The following RLN2 variants were observed in gnomAD, a reference collection of about 807,000 sequenced individuals.
RLN2 encodes prorelaxin H2.
A neutral mutation model predicts 7.3 loss-of-function variants in RLN2; 10 were observed. The ratio of observed to expected loss-of-function variants is 1.36; its 90% CI spans 0.84 to 2.31. RLN2 has a LOEUF of 2.31. Ranked by LOEUF, RLN2 falls within the 30% of genes most tolerant of loss-of-function variation. The pLI, the probability that RLN2 is intolerant of heterozygous loss-of-function variation, is 0.00. For missense variants in RLN2, 298 were observed against 217.6 expected, an observed-to-expected ratio of 1.37 and a Z score of -2.32; for synonymous variants, 103 against 82.3, an observed-to-expected ratio of 1.25 and a Z score of -1.36.
chr9:5,316,687 C>A, the RLN2 span, among the ~76,000 whole-genome samples: 4 of 152,058 alleles, frequency 2.6e-5, no homozygotes, highest in East Asian at 7.7e-4. Flanking sequence ...TTTATCCAGT[C>A]TATCATGGGT....
Position 5,300,012 on chromosome 9 carries a change from A to G in RLN2, c.*86T>C, listed in dbSNP as rs1234431598. On this transcript the variant is annotated 3_prime_UTR_variant, in exon 2 of 2. Coordinates refer to ENST00000381627, the MANE Select transcript of RLN2 (RefSeq NM_134441.3). ...ACAAAGATTCTTAGATATTCTAAGA[A>G]TTGATGGGACCTGATAGAAGCATCA... is the stretch of plus-strand genomic sequence containing the variant. 5.1e-6 allele frequency: 4 copies of G among 786,948 alleles called. No individual in the cohort carries two copies. The East Asian group carries it at 7.7e-5, about 15-fold the overall frequency. The allele number at this position is 786,948 out of a possible 1,614,324, so 48.7% of individuals were successfully genotyped here. A position where few individuals can be genotyped will look rare whatever the true frequency, so the allele number is the denominator to read the frequency against.
chr9:5,323,233 G>C, the RLN2 span, among the ~76,000 whole-genome samples: 77 of 151,928 alleles, frequency 5.1e-4, 1 homozygote, highest in East Asian at 0.013. Flanking sequence ...GCTTCCTGGA[G>C]TCTCATATTT....
At chr9:5,300,874 C>A (rs1400658353) in intron 1 of RLN2, among the ~76,000 whole-genome samples, 1 of 151,934 alleles carries the variant, frequency 6.6e-6, no homozygotes. Flanking sequence ...TAATAGTAAC[C>A]CTTGAAAAAG....
the RLN2 span, among the ~76,000 whole-genome samples, chr9:5,332,943 C>G: frequency 6.6e-6 from 1 of 152,074 alleles, no homozygotes; most frequent in South Asian, 2.1e-4. Context: ...ATGTTGTACA[C>G]TTTCAAGTGA....
At chr9:5,325,313 G>T in the RLN2 span, among the ~76,000 whole-genome samples, 1 of 151,660 alleles carries the variant, frequency 6.6e-6, no homozygotes, top group Non-Finnish European at 1.5e-5. Context: ...AATAAGAAAG[G>T]CAACAAGAAT....
the RLN2 span, chr9:5,335,630 G>T: frequency 2.2e-6 from 3 of 1,389,840 alleles, no homozygotes; most frequent in South Asian, 1.3e-5. Context: ...GTATGTGAAG[G>T]CGTATTCACG....
upstream of RLN2, among the ~76,000 whole-genome samples, chr9:5,308,720 G>C (rs577257692): frequency 1.3e-5 from 2 of 152,132 alleles, no homozygotes; most frequent in African/African-American, 4.8e-5. Flanking sequence ...AACTGGGATG[G>C]CCTCACATGG....
chr9:5,315,400 A>G, the RLN2 span, among the ~76,000 whole-genome samples: 2 of 151,566 alleles, frequency 1.3e-5, no homozygotes, highest in African/African-American at 2.4e-5. Flanking sequence ...AAATTACCCA[A>G]TGAGAAGGAA....
the RLN2 span, among the ~76,000 whole-genome samples, chr9:5,333,940 G>A: frequency 2.6e-4 from 40 of 151,968 alleles, no homozygotes; most frequent in Non-Finnish European, 5.3e-4. Context: ...CTTAACAGAT[G>A]CACAAAACAC....
At chr9:5,324,074 T>G in the RLN2 span, among the ~76,000 whole-genome samples, 6 of 151,664 alleles carry the variant, frequency 4.0e-5, no homozygotes, top group African/African-American at 1.2e-4. Context: ...AAATAAAAGA[T>G]GTAATTCCAA....
chr9:5,304,253 C>A (rs1469407625), intron 1 of RLN2, 117 bp downstream of exon 1: 2 of 661,950 alleles, frequency 3.0e-6, no homozygotes, highest in African/African-American at 2.3e-5. Flanking sequence ...AGGGGCTGAG[C>A]GGTGGCAGCC....
chr9:5,315,792 A>G, the RLN2 span, among the ~76,000 whole-genome samples: 1 of 152,128 alleles, frequency 6.6e-6, no homozygotes, highest in Admixed American at 6.6e-5. Context: ...ATGAGATGAT[A>G]CATTCAAAGT....
chr9:5,300,452 A>T lies in RLN2; in HGVS notation c.212-8T>A. ...TGAAGGATGGCACAATTTCTGTTAA[A>T]TTTAAAAAAAAAGGTGTATGTGAGG... is the stretch of plus-strand genomic sequence containing the variant. On this transcript the variant is annotated splice_polypyrimidine_tract_variant and splice_region_variant and intron_variant, in intron 1 of 1. Transcript: ENST00000381627. 1 of 1,582,330 alleles carries T rather than the reference A, an allele frequency of 6.3e-7. No homozygotes were observed. Among genetic ancestry groups the T allele is most frequent in the Non-Finnish European group, 8.6e-7 (1 of 1,162,400 alleles).
the RLN2 span, chr9:5,335,575 G>C: frequency 6.2e-7 from 1 of 1,608,042 alleles, no homozygotes; most frequent in African/African-American, 1.3e-5. Context: ...CTGTATCTTT[G>C]TTGATGAAGG....
chr9:5,335,277 T>C, the RLN2 span: 3 of 1,595,036 alleles, frequency 1.9e-6, no homozygotes. Context: ...AGAGACCTTT[T>C]GGTACAACCA....
chr9:5,329,176 G>A, the RLN2 span, among the ~76,000 whole-genome samples: 5 of 150,766 alleles, frequency 3.3e-5, no homozygotes, highest in Admixed American at 6.6e-5. Context: ...GGTGGCGGGC[G>A]CCTGTAGTCC....
the RLN2 span, among the ~76,000 whole-genome samples, chr9:5,318,705 A>G: frequency 6.6e-6 from 1 of 151,904 alleles, no homozygotes; most frequent in Non-Finnish European, 1.5e-5. Context: ...TTTTGGATTC[A>G]GAAATTCTGT....
At chr9:5,335,647 A>C in the RLN2 span, 1 of 1,143,182 alleles carries the variant, frequency 8.7e-7, no homozygotes. Context: ...CACGTCAAAG[A>C]GCATTCAGAA....
At chr9:5,300,576 A>G (rs1478068366) in intron 1 of RLN2, 132 bp from the exon 2 acceptor site, 1 of 637,768 alleles carries the variant, frequency 1.6e-6, no homozygotes, top group African/African-American at 1.8e-5. Context: ...CAAAATAAGC[A>G]AGCATCCTAA....
Sources: allele counts gnomAD v4.1 joint callset (sites outside exome capture counted in the v4.1 genomes callset), GRCh38; gene constraint gnomAD v4.1.1; transcripts MANE v1.5; gene names NCBI Gene and HGNC (gene_info 2026-07-23, HGNC 2026-07-21).